HPSE2: variants seen among roughly 807,000 people sequenced by gnomAD.
HPSE2 encodes the protein heparanase 2 (inactive), also known as inactive heparanase-2.
A neutral mutation model predicts 60.5 loss-of-function variants in HPSE2; 38 were observed. That is an observed-to-expected ratio of 0.63 (90% CI 0.48 to 0.82). HPSE2 has a LOEUF of 0.82. HPSE2 is among the 40% of genes least tolerant of loss of function. The pLI is 0.00. For synonymous variants in HPSE2, 295 were observed against 293.2 expected, an observed-to-expected ratio of 1.01 and a Z score of -0.06; for missense variants, 713 against 740.4, an observed-to-expected ratio of 0.96 and a Z score of 0.43.
At chr10:98,673,355 A>G (rs1358565212) in intron 6 of HPSE2, among the ~76,000 whole-genome samples, 1 of 152,180 alleles carries the variant, frequency 6.6e-6, no homozygotes, top group African/African-American at 2.4e-5. Context: ...GGCAAACCAT[A>G]AAAATACCTC....
intron 3 of HPSE2, among the ~76,000 whole-genome samples, chr10:98,964,725 A>T (rs1446967515): frequency 1.3e-5 from 2 of 152,176 alleles, no homozygotes; most frequent in African/African-American, 4.8e-5. Flanking sequence ...TATTAAATAA[A>T]TCTGTCAAGA....
At chr10:99,249,208 G>A in the HPSE2 span, among the ~76,000 whole-genome samples, 1 of 152,202 alleles carries the variant, frequency 6.6e-6, no homozygotes, top group East Asian at 1.9e-4. Flanking sequence ...CAGTGTGCCT[G>A]GGAAAGCTGC....
At chr10:99,251,391 T>A in the HPSE2 span, among the ~76,000 whole-genome samples, 1 of 145,038 alleles carries the variant, frequency 6.9e-6, no homozygotes, top group East Asian at 2.1e-4. Flanking sequence ...CCAGAAAGAT[T>A]AACAGCCGAA....
chr10:98,657,637 C>G (rs185407721), intron 6 of HPSE2, among the ~76,000 whole-genome samples: 2 of 152,136 alleles, frequency 1.3e-5, no homozygotes, highest in Admixed American at 1.3e-4. Context: ...ATGCCCGGCC[C>G]CAAATCCATT....
intron 3 of HPSE2, among the ~76,000 whole-genome samples, chr10:98,764,485 T>A (rs114809053): frequency 0.014 from 2,206 of 152,316 alleles, 57 homozygotes; most frequent in African/African-American, 0.05. Flanking sequence ...CTTGTTAGAT[T>A]TGATTTTTAA....
intron 6 of HPSE2, among the ~76,000 whole-genome samples, chr10:98,681,517 G>A (rs1947787060): frequency 6.6e-6 from 1 of 152,148 alleles, no homozygotes; most frequent in African/African-American, 2.4e-5. Flanking sequence ...AACATGAAAA[G>A]TTCATGCACA....
intron 3 of HPSE2, among the ~76,000 whole-genome samples, chr10:98,963,623 G>A (rs1316037719): frequency 6.6e-6 from 1 of 152,048 alleles, no homozygotes. Context: ...GAAAAGTAAT[G>A]GAGAAACATC....
intron 3 of HPSE2, among the ~76,000 whole-genome samples, chr10:98,882,482 T>C (rs1042321117): frequency 2.6e-5 from 4 of 151,980 alleles, no homozygotes; most frequent in African/African-American, 4.8e-5. Flanking sequence ...GTAAACTGGG[T>C]TCGAATCAGC....
chr10:98,744,014 CCAGAGCAAT>C lies in HPSE2; in HGVS notation c.644_652del (p.Asp215_Ser217del). 6.2e-7 allele frequency: 1 copy of C among 1,614,030 alleles called. No individual in the cohort carries two copies. The highest frequency in any genetic ancestry group is 8.5e-7 in the Non-Finnish European group (1 of 1,179,972). ...ATTTAGAGCAAATATCAGGTGGAGT[CCAGAGCAAT>C]CAGCAAAGTTATAAAGTTTGTCTAG... On this transcript the variant is annotated inframe_deletion, in exon 4 of 12. Transcript: ENST00000370552.
chr10:98,887,846 A>G (rs929748958), intron 3 of HPSE2, among the ~76,000 whole-genome samples: 1 of 151,922 alleles, frequency 6.6e-6, no homozygotes, highest in Non-Finnish European at 1.5e-5. Context: ...ATAGAATTAA[A>G]GTAATTTAAA....
intron 5 of HPSE2, among the ~76,000 whole-genome samples, chr10:98,711,981 A>G (rs938076922): frequency 1.3e-5 from 2 of 152,216 alleles, no homozygotes; most frequent in African/African-American, 2.4e-5. Flanking sequence ...AGGACCATGG[A>G]CTATACTTCT....
intron 7 of HPSE2, among the ~76,000 whole-genome samples, chr10:98,621,851 C>T (rs897464972): frequency 6.6e-6 from 1 of 152,234 alleles, no homozygotes; most frequent in Non-Finnish European, 1.5e-5. Context: ...ACACTGACAC[C>T]TAGCTGGCTG....
rs892453906 is a variant in HPSE2 at position 98,894,825 on chromosome 10, G to C, written c.611-150769C>G. Reference sequence around the variant, plus strand: ...ATAAAGAAAAAGACATCTCCACCAAGACATAGTGAAAATACAAAACATCAA... The same window carrying C: ...ATAAAGAAAAAGACATCTCCACCAACACATAGTGAAAATACAAAACATCAA... On this transcript the variant is annotated intron_variant, in intron 3 of 11. Coordinates refer to ENST00000370552, the MANE Select transcript of HPSE2 (RefSeq NM_021828.5). Among the ~76,000 whole-genome samples, 3 of 151,858 alleles carry C rather than the reference G, an allele frequency of 2.0e-5. No individual in the cohort carries two copies. In the East Asian group the frequency reaches 5.8e-4, roughly 29 times the overall value.
intron 5 of HPSE2, among the ~76,000 whole-genome samples, chr10:98,708,140 A>G (rs1948592474): frequency 6.6e-6 from 1 of 152,136 alleles, no homozygotes; most frequent in Non-Finnish European, 1.5e-5. Flanking sequence ...AAATATTAAA[A>G]TGTAGTTTAG....
chr10:99,142,589 G>A (rs1845900267), intron 3 of HPSE2, among the ~76,000 whole-genome samples: 1 of 152,218 alleles, frequency 6.6e-6, no homozygotes, highest in Non-Finnish European at 1.5e-5. Flanking sequence ...GGAGAAGTGA[G>A]AGCAGGAAAG....
chr10:99,087,221 T>C (rs764878605), intron 3 of HPSE2, among the ~76,000 whole-genome samples: 3 of 152,358 alleles, frequency 2.0e-5, no homozygotes, highest in Non-Finnish European at 2.9e-5. Flanking sequence ...ACTTAAATAG[T>C]AATGGGCGGG....
At chr10:99,002,713 A>G (rs994574343) in intron 3 of HPSE2, among the ~76,000 whole-genome samples, 11 of 152,244 alleles carry the variant, frequency 7.2e-5, no homozygotes, top group African/African-American at 2.6e-4. Context: ...AAATATCTAT[A>G]AAATATGGGC....
At chr10:99,136,841 A>T (rs11511386) in intron 3 of HPSE2, among the ~76,000 whole-genome samples, 74,959 of 152,048 alleles carry the variant, frequency 0.49, 20,951 homozygotes, top group East Asian at 0.65. Context: ...AAGACAAGGA[A>T]GCCCTCTCTA....
At chr10:98,604,650 T>C (rs1367425490) in intron 9 of HPSE2, among the ~76,000 whole-genome samples, 1 of 152,236 alleles carries the variant, frequency 6.6e-6, no homozygotes. Flanking sequence ...ATAACAGGGC[T>C]ACAGGAGCCT....
Sources: allele counts gnomAD v4.1 joint callset (sites outside exome capture counted in the v4.1 genomes callset), GRCh38; gene constraint gnomAD v4.1.1; transcripts MANE v1.5; gene names NCBI Gene and HGNC (gene_info 2026-07-23, HGNC 2026-07-21).